Variants in PIDD1 observed in about 807,000 individuals in gnomAD.
PIDD1 encodes the protein p53-induced death domain protein 1, also known as p53-induced death domain-containing protein 1.
Under a neutral mutation model 80.0 loss-of-function variants are expected in PIDD1, and 72 were observed. The observed-to-expected ratio is 0.90, with a 90% CI of 0.74 to 1.09. The LOEUF is 1.09. Among genes scored for constraint, PIDD1 ranks in the 50% least tolerant of loss-of-function variants. The pLI is 0.00. For missense variants in PIDD1, 1,329 were observed against 1,228.3 expected (o/e 1.08, Z -1.23); for synonymous variants, 655 against 543.5 (o/e 1.21, Z -2.85).
rs1414341089 is a variant in PIDD1 at position 803,323 on chromosome 11, G to A, written c.560C>T (p.Pro187Leu). ...TVTHNRLQTL[P>L]PALGALSTLQ... is the part of the protein sequence containing the mutation. ...GGTGGATAGGGCCCCCAGTGCTGGG[G>A]GCAGCGTCTGCAGGCGGTTGTGTGT... The change falls in exon 3 of 16, where the codon CCC (proline) becomes CTC (leucine). Residue 187 changes from proline (P) to leucine (L), a missense_variant. Transcript: ENST00000347755. 1.2e-6 allele frequency: 2 copies of A among 1,613,996 alleles called. No individual in the cohort carries two copies. Among genetic ancestry groups the A allele is most frequent in the Non-Finnish European group, 1.7e-6 (2 of 1,179,988 alleles).
upstream of PIDD1, among the ~76,000 whole-genome samples, chr11:808,534 GTC>G (rs1179859981): frequency 6.6e-6 from 1 of 151,820 alleles, no homozygotes; most frequent in African/African-American, 2.4e-5. Context: ...GGACAACGCT[GTC>G]TCTACCAAAA....
At chr11:802,443 C>T (rs148181196) in intron 5 of PIDD1, 47 bp from the exon 6 acceptor site, 18,114 of 1,596,266 alleles carry the variant, frequency 0.011, 136 homozygotes, top group Non-Finnish European at 0.014. Context: ...GAAGGGCCTA[C>T]GTGTTGGAGC....
At position 802,339 on chromosome 11, in the gene PIDD1, C is replaced by T. The variant is rs1203120680; in HGVS notation, c.1032G>A (p.Gln344=). The T allele has an allele frequency of 6.2e-7, 1 of 1,611,896 alleles. No homozygotes were observed. The highest frequency in any genetic ancestry group is 8.5e-7 in the Non-Finnish European group (1 of 1,179,790). Residue 344 remains glutamine (Q), a synonymous_variant, in exon 6 of 16, where the codon CAG becomes CAA. Coordinates refer to ENST00000347755, the MANE Select transcript of PIDD1 (RefSeq NM_145886.4). ...GGGTGGCGGTGGCTCCCGCTGGGAA[C>T]TGCAGGCGGACGCCACAGGCCAGGG... is the stretch of plus-strand genomic sequence containing the variant. The part of the protein sequence containing the change: ...SVTLACGVRL[Q]FPAGATATPI...
rs1165794842 is a variant in PIDD1 at position 802,015 on chromosome 11, C to A, written c.1252G>T (p.Asp418Tyr). 2 of 1,602,798 alleles carry A rather than the reference C, an allele frequency of 1.2e-6. No individual in the cohort carries two copies. The highest frequency in any genetic ancestry group is 3.3e-4 in the Middle Eastern group (2 of 6,050). The change falls in exon 7 of 16, where the codon GAC (aspartate) becomes TAC (tyrosine). Residue 418 changes from aspartate to tyrosine, a missense_variant. Coordinates refer to ENST00000347755, the MANE Select transcript of PIDD1 (RefSeq NM_145886.4). ...GTCTCCAGGTCACCCCAGCTGTTGTCATTCCGGGTCCTGACCACCACTTCA... is the reference window on the plus strand; with the variant it reads ...GTCTCCAGGTCACCCCAGCTGTTGTAATTCCGGGTCCTGACCACCACTTCA... ...CREVVVRTRN[D>Y]NSWGDLETYL...
upstream of PIDD1, among the ~76,000 whole-genome samples, chr11:807,806 A>G (rs1324511468): frequency 1.3e-5 from 2 of 152,190 alleles, no homozygotes; most frequent in Non-Finnish European, 2.9e-5. Flanking sequence ...GAATCCACTT[A>G]TAACTGCTGC....
Position 802,829 on chromosome 11 carries a change from C to A in PIDD1, c.772G>T (p.Asp258Tyr). 6.3e-7 allele frequency: 1 copy of A among 1,597,274 alleles called. No homozygotes were observed. Among genetic ancestry groups the A allele is most frequent in the Middle Eastern group, 1.7e-4 (1 of 5,890 alleles). Residue 258 changes from aspartate (D) to tyrosine (Y), a missense_variant, in exon 4 of 16, where the codon GAC (aspartate) becomes TAC (tyrosine). By Grantham distance (160) the Asp-to-Tyr change is radical. Transcript: ENST00000347755. The part of the protein sequence containing the change: ...HSNLLASVPA[D>Y]LARLPLLTRL... ...GTGAGGAGTGGAAGGCGGGCCAAGTCAGCTGGCACAGAGGCCAGGAGGTTG... is the reference window on the plus strand; with the variant it reads ...GTGAGGAGTGGAAGGCGGGCCAAGTAAGCTGGCACAGAGGCCAGGAGGTTG...
At chr11:802,935 C>T (rs371761655) in intron 3 of PIDD1, 44 bp from the exon 4 acceptor site, 30 of 1,484,260 alleles carry the variant, frequency 2.0e-5, no homozygotes, top group South Asian at 9.7e-5. Context: ...GCCCAGCCCA[C>T]GGCGCTGGGA....
In PIDD1 at chr11:800,583, C is replaced by G; in HGVS notation, c.2001G>C (p.Glu667Asp). The change falls in exon 12 of 16, where the codon GAG becomes GAC. Residue 667 changes from glutamate to aspartate, a missense_variant. Glu to Asp is a conservative substitution (Grantham distance 45, BLOSUM62 2). Coordinates refer to ENST00000347755, the MANE Select transcript of PIDD1 (RefSeq NM_145886.4). ...TGCCGCGCTCGAAGGCCGCAAAGAA[C>G]TCTTCGCCCTCGAACATCTCCACCG... ...SDTVEMFEGE[E>D]FFAAFERGID... The G allele has an allele frequency of 6.3e-7, 1 of 1,580,728 alleles. No homozygotes were observed. Among genetic ancestry groups the G allele is most frequent in the Non-Finnish European group, 8.6e-7 (1 of 1,162,468 alleles).
intron 11 of PIDD1, 42 bp from the exon 12 acceptor site, chr11:800,708 C>T: frequency 6.4e-7 from 1 of 1,553,616 alleles, no homozygotes; most frequent in Non-Finnish European, 8.7e-7. Context: ...AAGCTCTGCA[C>T]CCCACCCCAG....
At position 800,157 on chromosome 11, in the gene PIDD1, T is replaced by C. The variant is rs1375170300; in HGVS notation, c.2248A>G (p.Met750Val). Reference protein sequence around the residue: ...RQRKGADALWMATLPIKLPRL... With the variant: ...RQRKGADALWVATLPIKLPRL... The stretch of plus-strand genomic sequence containing the variant: ...GGCAGCTTGATGGGCAGAGTGGCCA[T>C]CCACAGGGCGTCTGCGCCCTTCCTC... The change falls in exon 14 of 16, where the codon ATG becomes GTG. Residue 750 changes from methionine (M) to valine (V), a missense_variant. Transcript: ENST00000347755. The C allele has an allele frequency of 2.5e-6, 4 of 1,610,722 alleles. No homozygotes were observed. Among genetic ancestry groups the C allele is most frequent in the Non-Finnish European group, 3.4e-6 (4 of 1,179,366 alleles).
In PIDD1 at chr11:801,316, T is replaced by G. The variant is rs74668847; in HGVS notation, c.1532A>C (p.Glu511Ala). ...RELQALLGEP[E>A]AAVSPLLCLS... The stretch of plus-strand genomic sequence containing the variant: ...GCACAGCAGGGGGCTCACTGCAGCC[T>G]CTGGTTCTCCCAGGAGGGCCTGCAG... Residue 511 changes from glutamate to alanine, a missense_variant, in exon 9 of 16, where the codon GAG becomes GCG. Coordinates refer to ENST00000347755, the MANE Select transcript of PIDD1 (RefSeq NM_145886.4). 1.9e-4 allele frequency: 301 copies of G among 1,606,714 alleles called. 4 individuals are homozygous for G. In the East Asian group the frequency reaches 6.6e-3, roughly 35 times the overall value.
rs1182700795 is a variant in PIDD1 at position 802,608 on chromosome 11, G to A, written c.920-11C>T. On this transcript the variant is annotated splice_polypyrimidine_tract_variant and intron_variant, in intron 4 of 15. Coordinates refer to ENST00000347755, the MANE Select transcript of PIDD1 (RefSeq NM_145886.4). The stretch of plus-strand genomic sequence containing the variant: ...GAATGAGGGCTGCCACTGTGCAGGG[G>A]ACAGACATGTGCTCAGGACAGTGAG... 1.9e-6 allele frequency: 3 copies of A among 1,612,534 alleles called. No homozygotes were observed. The highest frequency in any genetic ancestry group is 1.7e-6 in the Non-Finnish European group (2 of 1,179,396).
rs774016396 is a variant in PIDD1 at position 800,206 on chromosome 11, G to A, written c.2199C>T (p.Pro733=). 16 of 1,610,452 alleles carry A rather than the reference G, an allele frequency of 9.9e-6. No homozygotes were observed. The highest frequency in any genetic ancestry group is 3.3e-5 in the Admixed American group (2 of 59,912). Reference sequence around the variant, plus strand: ...TCTGCCGGGCAGCCTCAGCCTCCTCGGGCACCCGCACAGGCACCGCGCCAC... The same window carrying A: ...TCTGCCGGGCAGCCTCAGCCTCCTCAGGCACCCGCACAGGCACCGCGCCAC... ...FYRGAVPVRV[P]EEAEAARQRK... is the part of the protein sequence containing the mutation. Residue 733 remains proline, a synonymous_variant, in exon 14 of 16, where the codon CCC becomes CCT. Coordinates refer to ENST00000347755, the MANE Select transcript of PIDD1 (RefSeq NM_145886.4).
chr11:799,427 TGC>T lies in PIDD1; in HGVS notation c.2611_2612del (p.Ala871SerfsTer46), dbSNP rs1865027787. ...ACTTGCGGCGGCCGAGCTCCAAGACTGCGCGCACCTCTTCAGCCACGTCCTGC... is the reference window on the plus strand; with the variant it reads ...ACTTGCGGCGGCCGAGCTCCAAGACTGCGCACCTCTTCAGCCACGTCCTGC... Reference protein sequence around the residue: ...DRQDVAEEVRAVLELGRRKYQ... With the variant: ...DRQDVAEEVRXVLELGRRKYQ... On this transcript the variant is annotated frameshift_variant, in exon 16 of 16. Transcript: ENST00000347755. LOFTEE classifies it low-confidence loss of function (END_TRUNC). The T allele has an allele frequency of 1.2e-6, 2 of 1,611,392 alleles. No individual in the cohort carries two copies. The highest frequency in any genetic ancestry group is 1.7e-6 in the Non-Finnish European group (2 of 1,179,876).
At chr11:805,762 T>A (rs1020283738), upstream of PIDD1, 11 of 806,216 alleles carry the variant, frequency 1.4e-5, no homozygotes, top group Middle Eastern at 6.3e-4. Context: ...GTGAGCCTCC[T>A]GGCACTGTCT....
At chr11:803,129 G>T in intron 3 of PIDD1, 45 bp downstream of exon 3, 1 of 1,393,476 alleles carries the variant, frequency 7.2e-7, no homozygotes, top group Non-Finnish European at 9.9e-7. Context: ...AGGCTTCAGG[G>T]ACCCTCCCGT....
chr11:803,146 A>T, intron 3 of PIDD1, 28 bp downstream of exon 3: 1 of 1,495,454 alleles, frequency 6.7e-7, no homozygotes. Flanking sequence ...CCGTGGGGCC[A>T]GTGTGTCGGG....
upstream of PIDD1, chr11:809,434 G>T (rs1865939806): frequency 6.6e-6 from 1 of 152,238 alleles, no homozygotes; most frequent in South Asian, 2.1e-4. Context: ...GGCTGGACGT[G>T]GGACCACCGG....
At chr11:806,725 G>A (rs375032761), upstream of PIDD1, among the ~76,000 whole-genome samples, 3 of 152,206 alleles carry the variant, frequency 2.0e-5, no homozygotes, top group African/African-American at 7.2e-5. Flanking sequence ...TGGGACTACA[G>A]GCGCCCACCA....
Sources: gnomAD v4.1 joint callset for allele counts (sites outside exome capture counted in the v4.1 genomes callset) on GRCh38, gnomAD v4.1.1 for gene constraint, MANE v1.5 for transcripts, NCBI Gene and HGNC (gene_info 2026-07-23, HGNC 2026-07-21) for gene names.